SPATA6: variants seen among roughly 807,000 people sequenced by gnomAD.
The protein encoded by SPATA6 is spermatogenesis associated 6, also known as spermatogenesis-associated protein 6.
SPATA6 carries 56 observed loss-of-function variants against 65.3 expected under a neutral mutation model. That is an observed-to-expected ratio of 0.86 (90% CI 0.69 to 1.07). The LOEUF (loss-of-function observed/expected upper bound fraction) is 1.07, where lower values mean the gene tolerates loss of function less well. Ranked by LOEUF, SPATA6 falls within the 50% of genes least tolerant of loss-of-function variation. The pLI, the probability that SPATA6 is intolerant of heterozygous loss-of-function variation, is 0.00. For synonymous variants in SPATA6, 199 were observed against 213.2 expected (o/e 0.93, Z 0.58); for missense variants, 590 against 594.8 (o/e 0.99, Z 0.08).
intron 12 of SPATA6, among the ~76,000 whole-genome samples, chr1:48,301,228 A>G (rs1268930609): frequency 6.6e-6 from 1 of 152,032 alleles, no homozygotes; most frequent in South Asian, 2.1e-4. Context: ...CAACATTTCT[A>G]TATTCCAACA....
intron 9 of SPATA6, among the ~76,000 whole-genome samples, chr1:48,366,388 G>T (rs966087449): frequency 1.7e-4 from 26 of 152,244 alleles, no homozygotes; most frequent in Non-Finnish European, 3.2e-4. Context: ...GTTCCTCCTT[G>T]TACCTCTGGT....
At chr1:48,316,446 T>G (rs948826540) in intron 11 of SPATA6, among the ~76,000 whole-genome samples, 1 of 152,174 alleles carries the variant, frequency 6.6e-6, no homozygotes, top group Non-Finnish European at 1.5e-5. Flanking sequence ...GATTCCCTAT[T>G]TAATAAATAG....
intron 11 of SPATA6, among the ~76,000 whole-genome samples, chr1:48,317,876 A>C (rs958685464): frequency 6.6e-6 from 1 of 152,196 alleles, no homozygotes; most frequent in Non-Finnish European, 1.5e-5. Flanking sequence ...GAAAACCAAT[A>C]CATTTTATGA....
chr1:48,412,861 C>T (rs890663935), intron 4 of SPATA6, among the ~76,000 whole-genome samples: 3 of 151,928 alleles, frequency 2.0e-5, no homozygotes, highest in Admixed American at 6.6e-5. Context: ...TCAGGTGATC[C>T]GCCTGCCTCA....
At chr1:48,285,795 G>A in the SPATA6 span, among the ~76,000 whole-genome samples, 1 of 152,210 alleles carries the variant, frequency 6.6e-6, no homozygotes, top group South Asian at 2.1e-4. Flanking sequence ...CCAGTGGGAT[G>A]AGCCAGCTAC....
At chr1:48,436,645 A>C in intron 3 of SPATA6, 3 of 1,614,200 alleles carry the variant, frequency 1.9e-6, no homozygotes, top group Non-Finnish European at 2.5e-6. Flanking sequence ...ACAGTTCAGC[A>C]CATCAGTGCA....
At chr1:48,437,226 C>G in intron 3 of SPATA6, 1 of 1,612,558 alleles carries the variant, frequency 6.2e-7, no homozygotes, top group Non-Finnish European at 8.5e-7. Context: ...AATTCTAGGG[C>G]TGCCAAATCA....
chr1:48,324,239 T>A (rs1645688760), intron 11 of SPATA6, among the ~76,000 whole-genome samples: 1 of 152,182 alleles, frequency 6.6e-6, no homozygotes, highest in African/African-American at 2.4e-5. Flanking sequence ...ATTACAGGGA[T>A]GAGCCATCAT....
intron 8 of SPATA6, among the ~76,000 whole-genome samples, chr1:48,388,254 C>CA (rs1649694370): frequency 6.6e-6 from 1 of 151,716 alleles, no homozygotes; most frequent in Admixed American, 6.6e-5. Flanking sequence ...AAAAAAATCA[C>CA]ACAGAGACTA....
downstream of SPATA6, among the ~76,000 whole-genome samples, chr1:48,293,544 C>T (rs1007136747): frequency 6.6e-6 from 1 of 152,134 alleles, no homozygotes; most frequent in African/African-American, 2.4e-5. Flanking sequence ...ATACTTCCTT[C>T]TTGAATATCT....
chr1:48,442,728 A>C (rs1385147000), intron 3 of SPATA6, among the ~76,000 whole-genome samples: 2 of 149,316 alleles, frequency 1.3e-5, no homozygotes, highest in Admixed American at 6.6e-5. Flanking sequence ...AAAAAAAAAA[A>C]AAAAAAAAAA....
At chr1:48,274,074 T>G in the SPATA6 span, among the ~76,000 whole-genome samples, 2 of 152,238 alleles carry the variant, frequency 1.3e-5, no homozygotes. Context: ...GGTTTTGATT[T>G]GCATTTCTCT....
chr1:48,366,730 T>A (rs1273537521), intron 9 of SPATA6, among the ~76,000 whole-genome samples: 6 of 152,222 alleles, frequency 3.9e-5, no homozygotes, highest in Non-Finnish European at 7.3e-5. Flanking sequence ...ATTTTGTTGA[T>A]CTTTTCAAAA....
intron 11 of SPATA6, among the ~76,000 whole-genome samples, chr1:48,317,338 T>C (rs1645461553): frequency 1.3e-5 from 2 of 152,208 alleles, no homozygotes; most frequent in Admixed American, 1.3e-4. Context: ...TGTGGAATAC[T>C]ATGCAGCCAT....
chr1:48,424,598 C>A (rs750901108), intron 3 of SPATA6, among the ~76,000 whole-genome samples: 1 of 152,176 alleles, frequency 6.6e-6, no homozygotes, highest in Non-Finnish European at 1.5e-5. Context: ...AATTTACATT[C>A]CCAGAAACAG....
chr1:48,282,318 G>T, the SPATA6 span, among the ~76,000 whole-genome samples: 2 of 152,098 alleles, frequency 1.3e-5, no homozygotes, highest in African/African-American at 2.4e-5. Flanking sequence ...GGCAACAAAA[G>T]CCAAAATTGA....
At chr1:48,301,836 AT>A (rs1644946958) in intron 12 of SPATA6, among the ~76,000 whole-genome samples, 1 of 152,164 alleles carries the variant, frequency 6.6e-6, no homozygotes, top group African/African-American at 2.4e-5. Flanking sequence ...ATGCAAAAAA[AT>A]AAAAATAATG....
intron 9 of SPATA6, among the ~76,000 whole-genome samples, chr1:48,377,899 G>A (rs946525013): frequency 1.3e-5 from 2 of 152,102 alleles, no homozygotes; most frequent in East Asian, 3.9e-4. Context: ...ATTGGCAATA[G>A]AAAGTAGGCA....
chr1:48,324,497 G>T (rs1394071004), intron 11 of SPATA6, among the ~76,000 whole-genome samples: 2 of 152,118 alleles, frequency 1.3e-5, no homozygotes, highest in African/African-American at 2.4e-5. Flanking sequence ...TATTTATCAT[G>T]ACCAAGTGAG....
Sources: allele counts gnomAD v4.1 joint callset (sites outside exome capture counted in the v4.1 genomes callset), GRCh38; gene constraint gnomAD v4.1.1; transcripts MANE v1.5; gene names NCBI Gene and HGNC (gene_info 2026-07-23, HGNC 2026-07-21).